CALB1: variants seen among roughly 807,000 people sequenced by gnomAD.
The protein encoded by CALB1 is calbindin 1, also known as calbindin.
A neutral mutation model predicts 46.7 loss-of-function variants in CALB1; 16 were observed. That is an observed-to-expected ratio of 0.34 (90% CI 0.23 to 0.52). The LOEUF (loss-of-function observed/expected upper bound fraction) is 0.52. Ranked by LOEUF, CALB1 falls within the 20% of genes least tolerant of loss-of-function variation. The probability of loss-of-function intolerance (pLI) is 0.95; values close to 1 mark genes in which losing one functional copy is unlikely to be tolerated. For missense variants in CALB1, 224 were observed against 300.3 expected (o/e 0.75, Z 1.88); for synonymous variants, 90 against 112.8 (o/e 0.80, Z 1.28).
At chr8:90,069,274 G>A in intron 3 of CALB1, 37 bp from the exon 4 acceptor site, 1 of 1,539,350 alleles carries the variant, frequency 6.5e-7, no homozygotes, top group Non-Finnish European at 9.0e-7. Context: ...CGTGTTGTAA[G>A]TTGCTCAAAA....
chr8:90,070,837 AGTGTGT>A (rs35368479), intron 3 of CALB1, among the ~76,000 whole-genome samples: 3,961 of 121,670 alleles, frequency 0.033, 98 homozygotes, highest in African/African-American at 0.065. Context: ...GCATCATTGC[AGTGTGT>A]GTGTGTGTGT....
chr8:90,060,471 C>T lies in CALB1; in HGVS notation c.672+158G>A, dbSNP rs1164307954. ...TTTTAAAATCTATTTATCACAGTTA[C>T]CCTGATTTAGGCCAGAACCAAATTG... is the stretch of plus-strand genomic sequence containing the variant. On this transcript the variant is annotated intron_variant, in intron 10 of 10. Coordinates refer to ENST00000265431, the MANE Select transcript of CALB1 (RefSeq NM_004929.4). Among the ~76,000 whole-genome samples, 3 of 152,284 alleles carry T rather than the reference C, an allele frequency of 2.0e-5. No homozygotes were observed. In the East Asian group the frequency reaches 5.8e-4, roughly 29 times the overall value.
In CALB1 at chr8:90,064,315, T is replaced by A. The variant is rs551671321; in HGVS notation, c.451-854A>T. 3 of 151,886 alleles carry A rather than the reference T, an allele frequency of 2.0e-5. No homozygotes were observed. In the South Asian group the frequency reaches 6.2e-4, roughly 31 times the overall value. The allele number at this position is 151,886 out of a possible 1,614,324, so 9.4% of individuals were successfully genotyped here. Reference sequence around the variant, plus strand: ...GAGGCAGATTTTTTTCAGGATCCCATGCTGACAAAACATTTTATAATCCAT... The same window carrying A: ...GAGGCAGATTTTTTTCAGGATCCCAAGCTGACAAAACATTTTATAATCCAT... On this transcript the variant is annotated intron_variant, in intron 6 of 10. Coordinates refer to ENST00000265431, the MANE Select transcript of CALB1 (RefSeq NM_004929.4).
intron 9 of CALB1, 183 bp from the exon 10 acceptor site, chr8:90,060,883 G>A (rs1239355370): frequency 1.0e-5 from 6 of 593,102 alleles, no homozygotes; most frequent in Non-Finnish European, 1.5e-5. Flanking sequence ...CAAGGTATTA[G>A]TTACTTCTCA....
chr8:90,062,954 A>G (rs964945952), intron 9 of CALB1, 146 bp downstream of exon 9: 8 of 581,700 alleles, frequency 1.4e-5, no homozygotes, highest in East Asian at 2.9e-5. Context: ...TCTCAATTAT[A>G]TAAGATGGAT....
At chr8:90,066,611 G>T (rs1163338427) in intron 5 of CALB1, among the ~76,000 whole-genome samples, 1 of 151,864 alleles carries the variant, frequency 6.6e-6, no homozygotes, top group Non-Finnish European at 1.5e-5. Flanking sequence ...TTGAATCTTT[G>T]AAAGATATAT....
chr8:90,069,510 T>C (rs920077727), intron 3 of CALB1, among the ~76,000 whole-genome samples: 3 of 152,218 alleles, frequency 2.0e-5, no homozygotes, highest in African/African-American at 7.2e-5. Context: ...TGGCCACTTC[T>C]TGTCTGCTGG....
intron 5 of CALB1, among the ~76,000 whole-genome samples, chr8:90,067,865 T>C (rs1814429326): frequency 6.6e-6 from 1 of 152,188 alleles, no homozygotes; most frequent in African/African-American, 2.4e-5. Flanking sequence ...CAAATCTCTC[T>C]GCATTCCAAT....
At chr8:90,077,921 C>T (rs1586184843) in intron 3 of CALB1, among the ~76,000 whole-genome samples, 1 of 152,204 alleles carries the variant, frequency 6.6e-6, no homozygotes, top group East Asian at 1.9e-4. Context: ...AAATATTTCA[C>T]AGGGACTGCA....
intron 3 of CALB1, among the ~76,000 whole-genome samples, chr8:90,074,196 C>A (rs972943430): frequency 6.6e-6 from 1 of 151,916 alleles, no homozygotes; most frequent in East Asian, 1.9e-4. Context: ...AAGATGGGGT[C>A]GATTTTGTAG....
At chr8:90,074,033 G>C (rs1186773974) in intron 3 of CALB1, among the ~76,000 whole-genome samples, 3 of 150,044 alleles carry the variant, frequency 2.0e-5, no homozygotes, top group African/African-American at 2.5e-5. Flanking sequence ...TTTTTCACTT[G>C]AGAACCAGAA....
At chr8:90,064,311 C>G (rs1032249087) in intron 6 of CALB1, 2 of 151,664 alleles carry the variant, frequency 1.3e-5, no homozygotes, top group Admixed American at 6.6e-5. Flanking sequence ...TTTTCAGGAT[C>G]CCATGCTGAC....
chr8:90,082,385 G>A (rs1281458446), intron 1 of CALB1: 3 of 605,770 alleles, frequency 5.0e-6, no homozygotes, highest in African/African-American at 3.7e-5. Flanking sequence ...TACCATTACC[G>A]TTCCTGGAAA....
rs769879547 is a variant in CALB1, at chr8:90,078,386, AT to A, written c.217del (p.Ile73Ter). 2 of 1,584,514 alleles carry A rather than the reference AT, an allele frequency of 1.3e-6. No homozygotes were observed. The highest frequency in any genetic ancestry group is 1.4e-5 in the African/African-American group (1 of 73,826). Reference protein sequence around the residue: ...DQYGQRDDGKIGIVELAHVLP... With the variant: ...DQYGQRDDGKXGIVELAHVLP... ...TAAATTCCTTACCTCTACAATTCCT[AT>A]TTTTCCATCATCTCTTTGCCCATAC... On this transcript the variant is annotated frameshift_variant, in exon 3 of 11. Coordinates refer to ENST00000265431, the MANE Select transcript of CALB1 (RefSeq NM_004929.4). LOFTEE classifies it high-confidence loss of function.
intron 1 of CALB1, 167 bp from the exon 2 acceptor site, chr8:90,082,269 A>G (rs186005913): frequency 4.6e-5 from 29 of 631,310 alleles, no homozygotes; most frequent in Admixed American, 2.0e-4. Flanking sequence ...CTCCTGGGGT[A>G]TCAAACTTTA....
chr8:90,079,792 T>C lies in CALB1; in HGVS notation c.157-1345A>G, dbSNP rs533787023. On this transcript the variant is annotated intron_variant, in intron 2 of 10. Transcript: ENST00000265431. ...TAGTTTCTGAAAATATATTGCATTG[T>C]TATATTTAATTAATGTTATATTCAC... Among the ~76,000 whole-genome samples, 7 of 152,128 alleles carry C rather than the reference T, an allele frequency of 4.6e-5. No homozygotes were observed. In the East Asian group the frequency reaches 1.3e-3, roughly 29 times the overall value.
At chr8:90,070,434 C>A (rs1563678782) in intron 3 of CALB1, among the ~76,000 whole-genome samples, 1 of 152,056 alleles carries the variant, frequency 6.6e-6, no homozygotes, top group African/African-American at 2.4e-5. Flanking sequence ...ACTATCATAA[C>A]TTTTTTTAAA....
In CALB1 at chr8:90,059,048, TAGATA is replaced by T. The variant is rs376824982; in HGVS notation, c.*1120_*1124del. The T allele has an allele frequency of 4.6e-5, 7 of 152,364 alleles. No individual in the cohort carries two copies. Among genetic ancestry groups the T allele is most frequent in the South Asian group, 2.1e-4 (1 of 4,830 alleles). The allele number at this position is 152,364 out of a possible 1,614,324, so 9.4% of individuals were successfully genotyped here. A position where few individuals can be genotyped will look rare whatever the true frequency, so the allele number is the denominator to read the frequency against. ...AAAGAATGTTTTAGAATCTTCTTGC[TAGATA>T]AGATAAATGATTACATTAGCATTTC... On this transcript the variant is annotated 3_prime_UTR_variant, in exon 11 of 11. Transcript: ENST00000265431.
intron 3 of CALB1, 95 bp from the exon 4 acceptor site, chr8:90,069,332 C>T (rs1814457978): frequency 1.1e-6 from 1 of 901,712 alleles, no homozygotes; most frequent in Non-Finnish European, 1.8e-6. Flanking sequence ...CAACGTGTTC[C>T]CTCACAGGCT....
Sources: gnomAD v4.1 joint callset for allele counts (sites outside exome capture counted in the v4.1 genomes callset) on GRCh38, gnomAD v4.1.1 for gene constraint, MANE v1.5 for transcripts, NCBI Gene and HGNC (gene_info 2026-07-23, HGNC 2026-07-21) for gene names.